The following ATP9A variants were observed in gnomAD, a reference collection of about 807,000 sequenced individuals.
ATP9A encodes the protein probable phospholipid-transporting ATPase IIA.
Under a neutral mutation model 144.1 loss-of-function variants are expected in ATP9A, and 52 were observed. The observed-to-expected ratio is 0.36, with a 90% CI of 0.29 to 0.45. ATP9A has a LOEUF of 0.45. Among genes scored for constraint, ATP9A ranks in the 20% least tolerant of loss-of-function variants. The pLI is 1.00. For missense variants in ATP9A, 947 were observed against 1,392.7 expected (o/e 0.68, Z 5.09); for synonymous variants, 582 against 557.4 (o/e 1.04, Z -0.62).
chr20:51,655,099 G>C (rs1467226259), intron 14 of ATP9A, among the ~76,000 whole-genome samples: 2 of 152,150 alleles, frequency 1.3e-5, no homozygotes, highest in Non-Finnish European at 2.9e-5. Context: ...AATAACCTAA[G>C]TTCCTACAGT....
At chr20:51,685,854 T>G (rs974719873) in intron 9 of ATP9A, among the ~76,000 whole-genome samples, 20 of 152,250 alleles carry the variant, frequency 1.3e-4, no homozygotes, top group Admixed American at 1.2e-3. Context: ...GACCCAGCCA[T>G]CCCATTACTG....
intron 11 of ATP9A, among the ~76,000 whole-genome samples, chr20:51,671,470 G>A (rs2077455726): frequency 1.3e-5 from 2 of 152,138 alleles, no homozygotes. Context: ...CAAAGCTCAT[G>A]TTATGGACTG....
At chr20:51,642,399 C>G (rs1478510615) in intron 14 of ATP9A, among the ~76,000 whole-genome samples, 1 of 152,022 alleles carries the variant, frequency 6.6e-6, no homozygotes, top group African/African-American at 2.4e-5. Flanking sequence ...AAGTGATCCA[C>G]CTGCTTCAAC....
intron 1 of ATP9A, among the ~76,000 whole-genome samples, chr20:51,764,980 CAA>C (rs2077897464): frequency 6.6e-6 from 1 of 152,132 alleles, no homozygotes; most frequent in South Asian, 2.1e-4. Flanking sequence ...CTTGGCCTCC[CAA>C]AGTGCTGGGA....
chr20:51,638,233 C>T (rs1015984350), intron 15 of ATP9A, among the ~76,000 whole-genome samples: 1 of 146,860 alleles, frequency 6.8e-6, no homozygotes, highest in Non-Finnish European at 1.5e-5. Context: ...GTATCTCTTT[C>T]CTCCATGAGG....
At chr20:51,618,540 G>T in intron 21 of ATP9A, 122 bp downstream of exon 21, 1 of 1,371,138 alleles carries the variant, frequency 7.3e-7, no homozygotes, top group Non-Finnish European at 9.7e-7. Flanking sequence ...GAAAAATCAT[G>T]ACCTGAACAA....
chr20:51,767,504 G>C (rs778583515), intron 1 of ATP9A, among the ~76,000 whole-genome samples: 11 of 151,400 alleles, frequency 7.3e-5, no homozygotes, highest in Non-Finnish European at 1.5e-4. Flanking sequence ...ACAGGAAGAC[G>C]GCGAGGCGCA....
At chr20:51,689,238 C>G in intron 8 of ATP9A, 99 bp from the exon 9 acceptor site, 1 of 1,228,032 alleles carries the variant, frequency 8.1e-7, no homozygotes, top group South Asian at 1.4e-5. Flanking sequence ...AAGACAGGCT[C>G]CCCCCGATGA....
intron 15 of ATP9A, among the ~76,000 whole-genome samples, chr20:51,636,328 G>T (rs955391724): frequency 4.6e-5 from 7 of 152,078 alleles, no homozygotes; most frequent in African/African-American, 1.7e-4. Flanking sequence ...TAAAACTTAT[G>T]AATTGCTTAT....
intron 1 of ATP9A, among the ~76,000 whole-genome samples, chr20:51,738,986 G>A (rs1209812512): frequency 1.3e-5 from 2 of 151,968 alleles, no homozygotes; most frequent in Admixed American, 6.6e-5. Flanking sequence ...CTATTCAGGA[G>A]GCTGAGACAA....
At chr20:51,692,607 G>C (rs1326915099) in intron 7 of ATP9A, among the ~76,000 whole-genome samples, 1 of 152,156 alleles carries the variant, frequency 6.6e-6, no homozygotes. Context: ...TTTGAGACCA[G>C]CCTGGCCAAC....
chr20:51,717,985 G>A (rs1294126070), intron 3 of ATP9A, among the ~76,000 whole-genome samples: 3 of 151,826 alleles, frequency 2.0e-5, no homozygotes, highest in African/African-American at 7.3e-5. Flanking sequence ...AAGGAAAAAT[G>A]TATGCCAAAC....
intron 22 of ATP9A, among the ~76,000 whole-genome samples, chr20:51,616,322 C>G (rs2077202780): frequency 6.7e-6 from 1 of 149,646 alleles, no homozygotes; most frequent in Non-Finnish European, 1.5e-5. Flanking sequence ...AAACACACTT[C>G]TTTTCTTTTT....
chr20:51,735,865 G>T (rs2077760647), intron 1 of ATP9A, among the ~76,000 whole-genome samples: 1 of 152,228 alleles, frequency 6.6e-6, no homozygotes, highest in Admixed American at 6.5e-5. Flanking sequence ...TGCCCTGAGT[G>T]TTTGCACAGT....
intron 21 of ATP9A, 88 bp downstream of exon 21, chr20:51,618,574 A>C (rs2122720221): frequency 6.7e-7 from 1 of 1,485,692 alleles, no homozygotes; most frequent in Non-Finnish European, 8.9e-7. Context: ...ATTTGAAGAA[A>C]GAGCAGCAGT....
intron 13 of ATP9A, among the ~76,000 whole-genome samples, chr20:51,665,516 C>T (rs1344806037): frequency 2.0e-5 from 3 of 151,744 alleles, no homozygotes; most frequent in East Asian, 1.9e-4. Flanking sequence ...ATCAGGAGTT[C>T]GAGGCCAGCC....
chr20:51,618,855 C>T (rs1246539202), intron 20 of ATP9A, 49 bp from the exon 21 acceptor site: 18 of 1,580,892 alleles, frequency 1.1e-5, no homozygotes, highest in Non-Finnish European at 1.6e-5. Context: ...AGAGGTGGTG[C>T]GTTGGTGGAG....
chr20:51,759,400 C>A (rs1392553022), intron 1 of ATP9A, among the ~76,000 whole-genome samples: 1 of 152,206 alleles, frequency 6.6e-6, no homozygotes, highest in Non-Finnish European at 1.5e-5. Context: ...CGGCCGGGTG[C>A]GGTGGCTCAT....
At chr20:51,643,777 G>A (rs1345036283) in intron 14 of ATP9A, among the ~76,000 whole-genome samples, 1 of 152,164 alleles carries the variant, frequency 6.6e-6, no homozygotes, top group Admixed American at 6.6e-5. Context: ...ATATAGCCCT[G>A]TTTTGTCTGC....
Sources: allele counts gnomAD v4.1 joint callset (sites outside exome capture counted in the v4.1 genomes callset), GRCh38; gene constraint gnomAD v4.1.1; transcripts MANE v1.5; gene names NCBI Gene and HGNC (gene_info 2026-07-23, HGNC 2026-07-21).